Variants in ARFGEF1 observed in about 807,000 individuals in gnomAD.
The protein encoded by ARFGEF1 is ARF guanine nucleotide exchange factor 1, also known as brefeldin A-inhibited guanine nucleotide-exchange protein 1.
ARFGEF1 carries 42 observed loss-of-function variants against 231.0 expected under a neutral mutation model. The observed-to-expected ratio is 0.18, with a 90% CI of 0.14 to 0.24. The LOEUF is 0.24. ARFGEF1 is among the 10% of genes least tolerant of loss of function. The pLI is 1.00. For missense variants in ARFGEF1, 1,345 were observed against 2,192.0 expected, an observed-to-expected ratio of 0.61 and a Z score of 7.72; for synonymous variants, 710 against 732.3, an observed-to-expected ratio of 0.97 and a Z score of 0.49.
At position 67,238,463 on chromosome 8, in the gene ARFGEF1, C is replaced by T. The variant is rs768714441; in HGVS notation, c.3169G>A (p.Ala1057Thr). Residue 1057 changes from alanine (A) to threonine (T), a missense_variant, in exon 22 of 39, where the codon GCA becomes ACA. Coordinates refer to ENST00000262215, the MANE Select transcript of ARFGEF1 (RefSeq NM_006421.5). ...TTCACTCCAGTTCCTATAAGCTGTG[C>T]CAGCTCCAACTGACTGATGCACTTC... ...ILKCISQLEL[A>T]QLIGTGVKPR... 6.2e-7 allele frequency: 1 copy of T among 1,612,288 alleles called. No homozygotes were observed. Among genetic ancestry groups the T allele is most frequent in the Non-Finnish European group, 8.5e-7 (1 of 1,179,538 alleles).
chr8:67,293,422 A>G (rs1320587491), intron 5 of ARFGEF1, among the ~76,000 whole-genome samples: 4 of 152,180 alleles, frequency 2.6e-5, no homozygotes, highest in African/African-American at 4.8e-5. Context: ...AAACTTTGTT[A>G]TTAAAAAGTG....
chr8:67,337,339 C>A (rs1006155450), intron 1 of ARFGEF1, among the ~76,000 whole-genome samples: 1 of 151,954 alleles, frequency 6.6e-6, no homozygotes, highest in Non-Finnish European at 1.5e-5. Context: ...AGGTGAATGC[C>A]ATCTTCCTCT....
At chr8:67,270,191 G>A (rs1049483859) in intron 10 of ARFGEF1, among the ~76,000 whole-genome samples, 2 of 152,156 alleles carry the variant, frequency 1.3e-5, no homozygotes, top group Non-Finnish European at 2.9e-5. Context: ...TAAACGCCTT[G>A]TATTATCTTA....
Position 67,266,086 on chromosome 8 carries a change from T to C in ARFGEF1, c.2043A>G (p.Thr681=). 1 of 1,613,946 alleles carries C rather than the reference T, an allele frequency of 6.2e-7. No individual in the cohort carries two copies. The highest frequency in any genetic ancestry group is 2.2e-5 in the East Asian group (1 of 44,866). ...CTGGATTATCAGTGCCAGACATCTG[T>C]GTACTGTAGCTGCCTATTCCTGATG... ...TSSSGIGSYS[T]QMSGTDNPEQ... Residue 681 remains threonine, a synonymous_variant, in exon 14 of 39, where the codon ACA becomes ACG. Transcript: ENST00000262215.
intron 33 of ARFGEF1, among the ~76,000 whole-genome samples, chr8:67,216,058 T>G (rs1838918370): frequency 6.6e-6 from 1 of 152,208 alleles, no homozygotes; most frequent in South Asian, 2.1e-4. Context: ...AAATACTCCC[T>G]TCATGGCACT....
chr8:67,197,389 C>A (rs907444658), downstream of ARFGEF1, among the ~76,000 whole-genome samples: 17 of 152,064 alleles, frequency 1.1e-4, no homozygotes, highest in Non-Finnish European at 5.9e-5. Flanking sequence ...TTTGAGGCTA[C>A]AGTGAGCTGT....
intron 30 of ARFGEF1, 136 bp downstream of exon 30, chr8:67,219,295 T>TA: frequency 1.0e-6 from 1 of 1,004,232 alleles, no homozygotes; most frequent in East Asian, 2.8e-5. Context: ...GACATAGTAT[T>TA]ACATTCTCAT....
intron 5 of ARFGEF1, chr8:67,190,609 A>G: frequency 6.9e-7 from 1 of 1,440,348 alleles, no homozygotes; most frequent in Non-Finnish European, 9.8e-7. Context: ...TAAGATTTGA[A>G]GCAGTATTAA....
rs563261241 is a variant in ARFGEF1, at chr8:67,189,702, C to G, written c.560+10694G>C. 3.3e-5 allele frequency among the ~76,000 whole-genome samples: 5 copies of G among 152,220 alleles called. No individual in the cohort carries two copies. The South Asian group carries it at 6.2e-4, about 19-fold the overall frequency. ...GGATAAACACTGAAATATTGAGAGACAAAATGCCATGATGTCACCAACTTA... is the reference window on the plus strand; with the variant it reads ...GGATAAACACTGAAATATTGAGAGAGAAAATGCCATGATGTCACCAACTTA... On this transcript the variant is annotated intron_variant, in intron 5 of 5. Transcript: ENST00000518789.
chr8:67,228,200 A>C (rs1396282315), intron 24 of ARFGEF1, 24 bp downstream of exon 24: 4 of 1,609,590 alleles, frequency 2.5e-6, no homozygotes, highest in Non-Finnish European at 3.4e-6. Flanking sequence ...CCAGTTCCGA[A>C]GTAGAATAAA....
At chr8:67,298,466 G>A (rs750106241) in intron 4 of ARFGEF1, among the ~76,000 whole-genome samples, 21 of 152,166 alleles carry the variant, frequency 1.4e-4, no homozygotes, top group Admixed American at 5.2e-4. Context: ...GAGAATTGGC[G>A]GATAAGTAGT....
chr8:67,340,890 C>T (rs950031090), intron 1 of ARFGEF1, among the ~76,000 whole-genome samples: 12 of 152,086 alleles, frequency 7.9e-5, no homozygotes, highest in African/African-American at 2.9e-4. Context: ...CAAGTAATCC[C>T]GACCTCCAGA....
rs759526342 is a variant in ARFGEF1, at chr8:67,227,560, T to C, written c.3630A>G (p.Ala1210=). 4 of 1,613,014 alleles carry C rather than the reference T, an allele frequency of 2.5e-6. No individual in the cohort carries two copies. The highest frequency in any genetic ancestry group is 2.2e-5 in the East Asian group (1 of 44,812). Residue 1210 remains alanine, a synonymous_variant, in exon 26 of 39, where the codon GCA becomes GCG. Transcript: ENST00000262215. ...CNPNEDVAIF[A]VDSLRQLSMK... ...TTGACAACTGCCTCAAGGAGTCTACTGCAAAAATAGCTACATCTTCATTAG... is the reference window on the plus strand; with the variant it reads ...TTGACAACTGCCTCAAGGAGTCTACCGCAAAAATAGCTACATCTTCATTAG...
chr8:67,176,530 G>A (rs983861601), intron 5 of ARFGEF1, among the ~76,000 whole-genome samples: 1 of 152,200 alleles, frequency 6.6e-6, no homozygotes, highest in African/African-American at 2.4e-5. Context: ...AGGATAAGCA[G>A]TAGGTATATC....
At chr8:67,303,787 T>G (rs1461961466) in intron 1 of ARFGEF1, among the ~76,000 whole-genome samples, 2 of 152,080 alleles carry the variant, frequency 1.3e-5, no homozygotes, top group African/African-American at 4.8e-5. Flanking sequence ...TGCCTGAAAT[T>G]TGGAAAAAAG....
intron 22 of ARFGEF1, 60 bp downstream of exon 22, chr8:67,238,283 T>A: frequency 6.8e-7 from 1 of 1,461,214 alleles, no homozygotes; most frequent in South Asian, 1.4e-5. Flanking sequence ...ATTACTACAA[T>A]AAAGTGACTT....
chr8:67,194,080 G>A (rs1837189183), downstream of ARFGEF1, among the ~76,000 whole-genome samples: 1 of 152,142 alleles, frequency 6.6e-6, no homozygotes, highest in Non-Finnish European at 1.5e-5. Context: ...CTCATTATGA[G>A]TGCATTTTTG....
chr8:67,242,193 A>C (rs562907074), intron 19 of ARFGEF1, among the ~76,000 whole-genome samples: 1 of 152,332 alleles, frequency 6.6e-6, no homozygotes, highest in African/African-American at 2.4e-5. Flanking sequence ...GCTTGGAGGC[A>C]GTGGACGTGG....
chr8:67,228,705 T>A (rs890783915), intron 23 of ARFGEF1, among the ~76,000 whole-genome samples: 16 of 152,106 alleles, frequency 1.1e-4, no homozygotes, highest in African/African-American at 3.9e-4. Context: ...AAAGTTCATT[T>A]ACACTAAAAG....
Sources: gnomAD v4.1 joint callset for allele counts (sites outside exome capture counted in the v4.1 genomes callset) on GRCh38, gnomAD v4.1.1 for gene constraint, MANE v1.5 for transcripts, NCBI Gene and HGNC (gene_info 2026-07-23, HGNC 2026-07-21) for gene names.